ABR: variants seen among roughly 807,000 people sequenced by gnomAD.
ABR encodes active breakpoint cluster region-related protein.
In ABR, 35 loss-of-function variants were observed where a neutral mutation model predicts 107.2. The observed-to-expected ratio is 0.33, with a 90% CI of 0.25 to 0.43. The LOEUF is 0.43. Ranked by LOEUF, ABR falls within the 20% of genes least tolerant of loss-of-function variation. The probability of loss-of-function intolerance (pLI) is 1.00; values close to 1 mark genes in which losing one functional copy is unlikely to be tolerated. For missense variants in ABR, 815 were observed against 1,115.2 expected (o/e 0.73, Z 3.83); for synonymous variants, 498 against 462.0 (o/e 1.08, Z -1.00).
At chr17:1,125,702 C>T in intron 1 of ABR, 1 of 328,836 alleles carries the variant, frequency 3.0e-6, no homozygotes, top group East Asian at 5.1e-5. Context: ...ACAGTGGGAG[C>T]AAGAGGCAGG....
At chr17:1,162,163 A>G (rs58775700) in intron 1 of ABR, among the ~76,000 whole-genome samples, 14,151 of 152,228 alleles carry the variant, frequency 0.093, 2,212 homozygotes, top group African/African-American at 0.32. Context: ...CGTGGTGAGG[A>G]CCCAGTGAGT....
chr17:1,169,803 A>C (rs554209355), intron 1 of ABR, among the ~76,000 whole-genome samples: 170 of 151,938 alleles, frequency 1.1e-3, no homozygotes, highest in Middle Eastern at 3.4e-3. Flanking sequence ...TGAAATGTGG[A>C]GGTGGATTTT....
At chr17:1,039,588 C>T (rs1010202076) in intron 16 of ABR, 5 of 152,504 alleles carry the variant, frequency 3.3e-5, no homozygotes, top group African/African-American at 9.7e-5. Flanking sequence ...CAAATGTGCC[C>T]GAAACAGCTG....
chr17:1,035,307 T>C lies in ABR; in HGVS notation c.1791+14743A>G, dbSNP rs77345722. Among the ~76,000 whole-genome samples, 316 of 147,998 alleles carry C rather than the reference T, an allele frequency of 2.1e-3. 1 individual carries two copies. Among genetic ancestry groups the C allele is most frequent in the Non-Finnish European group, 3.7e-3 (246 of 66,856 alleles). On this transcript the variant is annotated intron_variant, in intron 16 of 22. Coordinates refer to ENST00000302538, the MANE Select transcript of ABR (RefSeq NM_021962.5). ...ACCACCTGGGAAGGGGCCACTCTCCTTCCTCCCTCACTCCTTCCATCCCCT... is the reference window on the plus strand; with the variant it reads ...ACCACCTGGGAAGGGGCCACTCTCCCTCCTCCCTCACTCCTTCCATCCCCT...
intron 4 of ABR, among the ~76,000 whole-genome samples, chr17:1,086,863 A>C (rs1315224290): frequency 3.3e-5 from 5 of 152,036 alleles, no homozygotes; most frequent in Non-Finnish European, 7.4e-5. Flanking sequence ...AGCCCTCGCT[A>C]CTTGGGAGAC....
chr17:1,202,533 G>A (rs1311318779), intron 1 of ABR, among the ~76,000 whole-genome samples: 1 of 152,152 alleles, frequency 6.6e-6, no homozygotes, highest in African/African-American at 2.4e-5. Context: ...TGCATTCAGA[G>A]TATTTCCCCT....
intron 1 of ABR, among the ~76,000 whole-genome samples, chr17:1,161,001 C>T (rs538330400): frequency 5.9e-5 from 9 of 152,248 alleles, no homozygotes; most frequent in East Asian, 5.8e-4. Context: ...GGGCAGGTGT[C>T]GCTGGACCGC....
chr17:1,214,033 G>C (rs373069258), intron 1 of ABR, among the ~76,000 whole-genome samples: 127 of 152,020 alleles, frequency 8.4e-4, no homozygotes, highest in Non-Finnish European at 1.4e-3. Context: ...GATTACAGGC[G>C]CCCGCCACCA....
intron 3 of ABR, among the ~76,000 whole-genome samples, chr17:1,094,418 T>C (rs561491420): frequency 6.6e-5 from 10 of 151,540 alleles, no homozygotes; most frequent in African/African-American, 2.4e-4. Context: ...TCACCCAGGC[T>C]GGAGTGCAAT....
At chr17:1,167,702 G>T (rs1355787132) in intron 1 of ABR, among the ~76,000 whole-genome samples, 1 of 152,248 alleles carries the variant, frequency 6.6e-6, no homozygotes, top group Admixed American at 6.5e-5. Context: ...GGTTGCCGGA[G>T]GCTAAATGAG....
intron 1 of ABR, among the ~76,000 whole-genome samples, chr17:1,139,864 A>G (rs951252314): frequency 1.1e-4 from 16 of 152,138 alleles, no homozygotes; most frequent in African/African-American, 3.9e-4. Flanking sequence ...CCAGTCACAG[A>G]GCGTGAGGAA....
chr17:1,139,145 G>A (rs567034816), intron 1 of ABR, among the ~76,000 whole-genome samples: 29 of 152,338 alleles, frequency 1.9e-4, no homozygotes, highest in African/African-American at 6.5e-4. Flanking sequence ...TCTAAAAGGC[G>A]GGTGTGTGGA....
intron 1 of ABR, among the ~76,000 whole-genome samples, chr17:1,133,320 C>T (rs909505291): frequency 6.6e-6 from 1 of 151,044 alleles, no homozygotes; most frequent in Admixed American, 6.6e-5. Context: ...GTGGTTGGTA[C>T]AGTTTATACC....
intron 2 of ABR, among the ~76,000 whole-genome samples, chr17:1,103,118 G>A (rs775286522): frequency 3.9e-5 from 6 of 152,156 alleles, no homozygotes; most frequent in Non-Finnish European, 8.8e-5. Flanking sequence ...CAGACCCCAC[G>A]CTTCAGGCAA....
intron 5 of ABR, among the ~76,000 whole-genome samples, chr17:1,082,055 C>A (rs903051431): frequency 6.6e-6 from 1 of 152,054 alleles, no homozygotes; most frequent in African/African-American, 2.4e-5. Context: ...TCGACCGTCA[C>A]CCCTGAAGTT....
intron 2 of ABR, among the ~76,000 whole-genome samples, chr17:1,101,942 C>T (rs765968593): frequency 4.6e-5 from 7 of 152,044 alleles, no homozygotes; most frequent in South Asian, 2.1e-4. Context: ...ACCGTGTTAG[C>T]CAGGATGGTC....
At chr17:1,022,691 C>T (rs1483462311) in intron 16 of ABR, 2 of 154,890 alleles carry the variant, frequency 1.3e-5, no homozygotes, top group Non-Finnish European at 2.9e-5. Context: ...CAGGCAGGCT[C>T]CGCCTCTCCA....
chr17:1,043,406 T>C (rs1204639439), intron 16 of ABR, among the ~76,000 whole-genome samples: 2 of 152,090 alleles, frequency 1.3e-5, no homozygotes, highest in East Asian at 1.9e-4. Context: ...TGACCTCAGG[T>C]GATCCATCTA....
intron 16 of ABR, among the ~76,000 whole-genome samples, chr17:1,031,272 A>C (rs999674033): frequency 2.6e-5 from 4 of 152,178 alleles, no homozygotes; most frequent in Non-Finnish European, 4.4e-5. Context: ...ACAGGGCGGC[A>C]AGACATAGAC....
Sources: allele counts gnomAD v4.1 joint callset (sites outside exome capture counted in the v4.1 genomes callset), GRCh38; gene constraint gnomAD v4.1.1; transcripts MANE v1.5; gene names NCBI Gene and HGNC (gene_info 2026-07-23, HGNC 2026-07-21).